The following SCARB2 variants were observed in gnomAD, a reference collection of about 807,000 sequenced individuals.
SCARB2 encodes lysosome membrane protein 2.
A neutral mutation model predicts 58.6 loss-of-function variants in SCARB2; 29 were observed. The ratio of observed to expected loss-of-function variants is 0.49; its 90% CI spans 0.37 to 0.67. The LOEUF (loss-of-function observed/expected upper bound fraction) is 0.67, where lower values mean the gene tolerates loss of function less well. SCARB2 is among the 30% of genes least tolerant of loss of function. SCARB2 has a pLI of 0.00. For synonymous variants in SCARB2, 195 were observed against 210.1 expected (o/e 0.93, Z 0.62); for missense variants, 488 against 578.5 (o/e 0.84, Z 1.60).
At chr4:76,163,621 A>G (rs1246428885) in intron 10 of SCARB2, 1 of 565,704 alleles carries the variant, frequency 1.8e-6, no homozygotes, top group Non-Finnish European at 3.1e-6. Flanking sequence ...AGGAGGTAAA[A>G]TGTATTCAGA....
chr4:76,226,038 G>A (rs7672858), intron 1 of SCARB2, among the ~76,000 whole-genome samples: 138,390 of 152,156 alleles, frequency 0.91, 64,325 homozygotes, highest in East Asian at 1. Context: ...TTTGTTGGCA[G>A]TATTTTTTAT....
intron 1 of SCARB2, among the ~76,000 whole-genome samples, chr4:76,205,017 G>A (rs1314692578): frequency 6.6e-6 from 1 of 152,070 alleles, no homozygotes; most frequent in Non-Finnish European, 1.5e-5. Flanking sequence ...GTACATCATG[G>A]TGATCACAGT....
chr4:76,175,440 G>A (rs1157353396), intron 6 of SCARB2: 1 of 337,570 alleles, frequency 3.0e-6, no homozygotes, highest in Non-Finnish European at 5.7e-6. Flanking sequence ...GATGGGCCCT[G>A]GGCTAAGTAT....
chr4:76,189,158 C>T (rs6824953), intron 2 of SCARB2, among the ~76,000 whole-genome samples: 1 of 151,974 alleles, frequency 6.6e-6, no homozygotes, highest in African/African-American at 2.4e-5. Context: ...AGTCAGAGAC[C>T]AAAGGACTTG....
chr4:76,230,565 G>T (rs562416680), intron 1 of SCARB2, among the ~76,000 whole-genome samples: 3 of 152,278 alleles, frequency 2.0e-5, no homozygotes, highest in Non-Finnish European at 2.9e-5. Context: ...TTCTGCTCAA[G>T]AGAGTTTATG....
chr4:76,175,622 G>A (rs1004446801), intron 6 of SCARB2, among the ~76,000 whole-genome samples, 169 bp downstream of exon 6: 1 of 152,192 alleles, frequency 6.6e-6, no homozygotes, highest in African/African-American at 2.4e-5. Flanking sequence ...AGAAGTCTGT[G>A]CTGTGAACCA....
chr4:76,169,486 G>A (rs1305475505), intron 8 of SCARB2, among the ~76,000 whole-genome samples: 1 of 152,194 alleles, frequency 6.6e-6, no homozygotes. Flanking sequence ...TCCTGGCAGT[G>A]AGGAAGCAAA....
At chr4:76,223,035 A>G (rs547977348) in intron 1 of SCARB2, among the ~76,000 whole-genome samples, 8 of 152,140 alleles carry the variant, frequency 5.3e-5, no homozygotes, top group Non-Finnish European at 1.2e-4. Context: ...TGATAATTGC[A>G]CACCCCTTCA....
At chr4:76,203,177 G>A (rs1732864116) in intron 1 of SCARB2, among the ~76,000 whole-genome samples, 1 of 152,134 alleles carries the variant, frequency 6.6e-6, no homozygotes, top group South Asian at 2.1e-4. Context: ...GTTTAACCAT[G>A]TGGGCCAGGC....
Position 76,213,803 on chromosome 4 carries a change from G to C in SCARB2, c.-260C>G. 2.7e-6 allele frequency: 1 copy of C among 365,552 alleles called. No homozygotes were observed. Among genetic ancestry groups the C allele is most frequent in the East Asian group, 6.1e-5 (1 of 16,272 alleles). 22.6% of individuals were successfully genotyped at this position (365,552 alleles called of 1,614,324 possible). ...CCTTCGCCGGGCAGCCGTGGCGCCC[G>C]CCTAGCGCAGCTCGGGAGAGTGCAG... is the stretch of plus-strand genomic sequence containing the variant. On this transcript the variant is annotated 5_prime_UTR_variant, in exon 1 of 12. Coordinates refer to ENST00000264896, the MANE Select transcript of SCARB2 (RefSeq NM_005506.4).
At chr4:76,216,331 T>G (rs1733207154), upstream of SCARB2, among the ~76,000 whole-genome samples, 2 of 152,292 alleles carry the variant, frequency 1.3e-5, no homozygotes, top group South Asian at 4.1e-4. Flanking sequence ...AAAAATTTGG[T>G]AACTTGCCTG....
At chr4:76,197,578 C>T (rs34865218) in intron 1 of SCARB2, among the ~76,000 whole-genome samples, 3,505 of 152,170 alleles carry the variant, frequency 0.023, 122 homozygotes, top group African/African-American at 0.08. Context: ...TGTTACTCAC[C>T]GTGGCAGTAG....
rs563817558 is a variant in SCARB2, at chr4:76,213,298, G to T, written c.117+129C>A. ...TCGCCTACCAAGCCCTGGAAGACAGGGACGCAAGAAGAGCTCTAGCGCGGA... is the reference window on the plus strand; with the variant it reads ...TCGCCTACCAAGCCCTGGAAGACAGTGACGCAAGAAGAGCTCTAGCGCGGA... On this transcript the variant is annotated intron_variant, in intron 1 of 11. Transcript: ENST00000264896. 8 of 732,006 alleles carry T rather than the reference G, an allele frequency of 1.1e-5. No homozygotes were observed. In the East Asian group the frequency reaches 2.2e-4, roughly 20 times the overall value. The allele number at this position is 732,006 out of a possible 1,614,324, so 45.3% of individuals were successfully genotyped here.
chr4:76,203,165 G>C (rs910677791), intron 1 of SCARB2, among the ~76,000 whole-genome samples: 2 of 152,058 alleles, frequency 1.3e-5, no homozygotes, highest in East Asian at 3.9e-4. Flanking sequence ...AGTAGAGATG[G>C]GGTTTAACCA....
chr4:76,172,507 C>T lies in SCARB2; in HGVS notation c.994+1637G>A, dbSNP rs1203911388. On this transcript the variant is annotated intron_variant, in intron 7 of 11. Transcript: ENST00000264896. ...GCCTCAAGTGAGCCTCCTGCTTCAG[C>T]CTCCTAAAGTGTTAGGATTACAGGC... Among the ~76,000 whole-genome samples the T allele has an allele frequency of 3.3e-5, 5 of 152,134 alleles. No homozygotes were observed. The East Asian group carries it at 9.7e-4, about 29-fold the overall frequency.
upstream of SCARB2, chr4:76,214,207 G>A (rs571424847): frequency 2.2e-6 from 1 of 454,232 alleles, no homozygotes. Flanking sequence ...TCGCAAGTTA[G>A]CGGGGACACC....
chr4:76,219,172 G>T (rs1733265705), intron 1 of SCARB2, among the ~76,000 whole-genome samples: 2 of 152,236 alleles, frequency 1.3e-5, no homozygotes, highest in Admixed American at 6.5e-5. Flanking sequence ...ATAAAAATAA[G>T]CAATGGCACT....
chr4:76,171,291 G>C (rs1365615300), intron 7 of SCARB2, among the ~76,000 whole-genome samples: 1 of 152,106 alleles, frequency 6.6e-6, no homozygotes, highest in Non-Finnish European at 1.5e-5. Flanking sequence ...ACTGTCCTGA[G>C]TGTTTTATAT....
At chr4:76,191,623 C>T (rs960511782) in intron 2 of SCARB2, among the ~76,000 whole-genome samples, 1 of 152,088 alleles carries the variant, frequency 6.6e-6, no homozygotes, top group Non-Finnish European at 1.5e-5. Flanking sequence ...CAGCATCATG[C>T]TTCCTGTAGA....
Sources: gnomAD v4.1 joint callset for allele counts (sites outside exome capture counted in the v4.1 genomes callset) on GRCh38, gnomAD v4.1.1 for gene constraint, MANE v1.5 for transcripts, NCBI Gene and HGNC (gene_info 2026-07-23, HGNC 2026-07-21) for gene names.